MOB3B: variants seen among roughly 807,000 people sequenced by gnomAD.
MOB3B encodes MOB kinase activator 3B, also known as MOB kinase activator-like 2B.
Under a neutral mutation model 18.7 loss-of-function variants are expected in MOB3B, and 7 were observed. The ratio of observed to expected loss-of-function variants is 0.37; its 90% confidence interval spans 0.21 to 0.70. The LOEUF is 0.70. MOB3B is among the 30% of genes least tolerant of loss of function. The pLI, the probability that MOB3B is intolerant of heterozygous loss-of-function variation, is 0.52. For missense variants in MOB3B, 253 were observed against 281.3 expected, an observed-to-expected ratio of 0.90 and a Z score of 0.72; for synonymous variants, 111 against 99.9, an observed-to-expected ratio of 1.11 and a Z score of -0.66.
rs140216506 is a variant in MOB3B, at chr9:27,372,220, C to A, written c.419-12984G>T. Among the ~76,000 whole-genome samples the A allele has an allele frequency of 3.2e-3, 487 of 152,144 alleles. 5 individuals are homozygous for A. The highest frequency in any genetic ancestry group is 0.011 in the African/African-American group (470 of 41,522). ...GCTAATAAAAACACAATGACAGGGG[C>A]GTAGGAGCCAACCTGAAAGAGCTCC... On this transcript the variant is annotated intron_variant, in intron 2 of 3. Transcript: ENST00000262244.
At chr9:27,412,180 C>CA (rs1822078753) in intron 2 of MOB3B, among the ~76,000 whole-genome samples, 28 of 122,982 alleles carry the variant, frequency 2.3e-4, no homozygotes, top group African/African-American at 7.3e-4. Flanking sequence ...ACCCTTATGA[C>CA]GAAAAAAAAA....
At chr9:27,447,758 G>A (rs547572648) in intron 2 of MOB3B, among the ~76,000 whole-genome samples, 103 of 152,332 alleles carry the variant, frequency 6.8e-4, no homozygotes, top group African/African-American at 2.2e-3. Flanking sequence ...CCAAGTCATT[G>A]CAGTATTGGG....
intron 2 of MOB3B, among the ~76,000 whole-genome samples, chr9:27,398,596 A>G (rs1821833771): frequency 6.6e-6 from 1 of 152,148 alleles, no homozygotes; most frequent in African/African-American, 2.4e-5. Flanking sequence ...GCTAATTTGG[A>G]AGTCATGATT....
intron 1 of MOB3B, chr9:27,524,260 T>A: frequency 1.4e-6 from 2 of 1,452,766 alleles, no homozygotes; most frequent in East Asian, 4.6e-5. Context: ...TATTCAGGTA[T>A]ATAAAGGCAC....
At chr9:27,403,587 C>G (rs1364758715) in intron 2 of MOB3B, among the ~76,000 whole-genome samples, 1 of 131,684 alleles carries the variant, frequency 7.6e-6, no homozygotes, top group Non-Finnish European at 1.5e-5. Context: ...GGCTAGAGCG[C>G]AATGGTGCAA....
intron 2 of MOB3B, among the ~76,000 whole-genome samples, chr9:27,428,665 C>T (rs2131420008): frequency 6.6e-6 from 1 of 152,304 alleles, no homozygotes; most frequent in East Asian, 1.9e-4. Flanking sequence ...GATGGCCACT[C>T]AACAAAGGTG....
chr9:27,351,589 G>C (rs1821106113), intron 3 of MOB3B, among the ~76,000 whole-genome samples: 1 of 152,216 alleles, frequency 6.6e-6, no homozygotes, highest in African/African-American at 2.4e-5. Context: ...GCAACCCAGA[G>C]GCCTCTGTAC....
At chr9:27,489,814 A>T (rs771929321) in intron 1 of MOB3B, among the ~76,000 whole-genome samples, 4 of 142,578 alleles carry the variant, frequency 2.8e-5, no homozygotes, top group Admixed American at 7.7e-5. Flanking sequence ...CTATACAAGA[A>T]TACACAAACT....
At chr9:27,417,871 G>A (rs1230331238) in intron 2 of MOB3B, among the ~76,000 whole-genome samples, 1 of 151,992 alleles carries the variant, frequency 6.6e-6, no homozygotes, top group Non-Finnish European at 1.5e-5. Flanking sequence ...GACCATCCTG[G>A]CCAACTTGGT....
intron 2 of MOB3B, among the ~76,000 whole-genome samples, chr9:27,397,958 A>C (rs1005171577): frequency 1.3e-5 from 2 of 152,134 alleles, no homozygotes; most frequent in Non-Finnish European, 1.5e-5. Context: ...GATGTCTCCA[A>C]ATCTCTCCCA....
intron 2 of MOB3B, among the ~76,000 whole-genome samples, chr9:27,389,102 A>C (rs1184432824): frequency 6.6e-6 from 1 of 152,162 alleles, no homozygotes; most frequent in Non-Finnish European, 1.5e-5. Flanking sequence ...AATAAAATCC[A>C]AGCCCTTTGC....
At chr9:27,515,411 T>A (rs1183076273) in intron 1 of MOB3B, among the ~76,000 whole-genome samples, 1 of 152,190 alleles carries the variant, frequency 6.6e-6, no homozygotes, top group East Asian at 1.9e-4. Flanking sequence ...ATTCTGTGGA[T>A]TTCTAGCTCT....
intron 2 of MOB3B, among the ~76,000 whole-genome samples, chr9:27,448,119 C>T (rs1822721606): frequency 6.6e-6 from 1 of 152,142 alleles, no homozygotes; most frequent in Non-Finnish European, 1.5e-5. Flanking sequence ...GGGGTAAGAA[C>T]ACCACAGACA....
chr9:27,470,090 A>G (rs1819448448), intron 1 of MOB3B, among the ~76,000 whole-genome samples: 1 of 144,378 alleles, frequency 6.9e-6, no homozygotes, highest in Non-Finnish European at 1.5e-5. Context: ...GCATGGGCAC[A>G]GAGTGAGACC....
At chr9:27,442,682 T>G (rs1171185641) in intron 2 of MOB3B, among the ~76,000 whole-genome samples, 1 of 152,238 alleles carries the variant, frequency 6.6e-6, no homozygotes, top group African/African-American at 2.4e-5. Context: ...ACTTCCCTCA[T>G]GCAAGCCTAA....
chr9:27,503,795 G>A (rs1233335289), intron 1 of MOB3B, among the ~76,000 whole-genome samples: 1 of 152,248 alleles, frequency 6.6e-6, no homozygotes, highest in Non-Finnish European at 1.5e-5. Flanking sequence ...TAGTTAGAGA[G>A]AGCCACCGCC....
chr9:27,435,894 C>T (rs568124351), intron 2 of MOB3B, among the ~76,000 whole-genome samples: 1 of 152,190 alleles, frequency 6.6e-6, no homozygotes, highest in Admixed American at 6.5e-5. Flanking sequence ...AGCCACCATA[C>T]CCAGCCAAGA....
At chr9:27,364,839 A>G (rs1215327700) in intron 2 of MOB3B, among the ~76,000 whole-genome samples, 3 of 152,296 alleles carry the variant, frequency 2.0e-5, no homozygotes, top group Admixed American at 1.3e-4. Context: ...TTTGGGATTA[A>G]ATTCCTGGCT....
At chr9:27,445,945 C>T (rs567770712) in intron 2 of MOB3B, among the ~76,000 whole-genome samples, 36 of 152,236 alleles carry the variant, frequency 2.4e-4, no homozygotes, top group South Asian at 8.3e-4. Flanking sequence ...CCAGTCCTGA[C>T]GACCTGGGCT....
Sources: gnomAD v4.1 joint callset for allele counts (sites outside exome capture counted in the v4.1 genomes callset) on GRCh38, gnomAD v4.1.1 for gene constraint, MANE v1.5 for transcripts, NCBI Gene and HGNC (gene_info 2026-07-23, HGNC 2026-07-21) for gene names.